Variants in CCDC93 observed in about 807,000 individuals in gnomAD.
The protein encoded by CCDC93 is CCC complex scaffolding subunit CCDC93.
Under a neutral mutation model 108.2 loss-of-function variants are expected in CCDC93, and 61 were observed. The observed-to-expected ratio is 0.56, with a 90% CI of 0.46 to 0.70. The LOEUF (loss-of-function observed/expected upper bound fraction) is 0.70, where lower values mean the gene tolerates loss of function less well. CCDC93 is among the 30% of genes least tolerant of loss of function. CCDC93 has a pLI of 0.00. For synonymous variants in CCDC93, 276 were observed against 260.4 expected (o/e 1.06, Z -0.58); for missense variants, 685 against 764.2 (o/e 0.90, Z 1.22).
At chr2:117,956,676 G>C (rs1679226895) in intron 12 of CCDC93, among the ~76,000 whole-genome samples, 1 of 152,092 alleles carries the variant, frequency 6.6e-6, no homozygotes, top group Non-Finnish European at 1.5e-5. Flanking sequence ...ACAAATAACT[G>C]AACAGAAACC....
At chr2:117,930,866 G>A (rs1341925921) in intron 23 of CCDC93, 171 bp downstream of exon 23, 10 of 513,778 alleles carry the variant, frequency 1.9e-5, no homozygotes, top group South Asian at 3.2e-5. Flanking sequence ...ACAGAAAAAC[G>A]CAATCTTCAG....
At chr2:117,980,504 C>T (rs1680083672) in intron 7 of CCDC93, among the ~76,000 whole-genome samples, 1 of 152,162 alleles carries the variant, frequency 6.6e-6, no homozygotes, top group Non-Finnish European at 1.5e-5. Context: ...CGAATCTACT[C>T]CTCCTTAAAG....
Position 117,946,844 on chromosome 2 carries a change from C to CA in CCDC93, c.1262dup (p.Lys422GlufsTer3). On this transcript the variant is annotated frameshift_variant, in exon 16 of 24. Coordinates refer to ENST00000376300, the MANE Select transcript of CCDC93 (RefSeq NM_019044.5). LOFTEE classifies it high-confidence loss of function. ...CTCCACGTGGTGCTCTCTCAGCTTT[C>CA]AGGTTTTCAATTTCTTGCTGTAGTC... 6.2e-7 allele frequency: 1 copy of CA among 1,613,834 alleles called. No homozygotes were observed. The highest frequency in any genetic ancestry group is 8.5e-7 in the Non-Finnish European group (1 of 1,179,700).
At chr2:118,013,811 T>C (rs1677085459) in intron 1 of CCDC93, 143 bp downstream of exon 1, 2 of 679,170 alleles carry the variant, frequency 2.9e-6, no homozygotes, top group Non-Finnish European at 2.3e-6. Context: ...AAGAAGAGGG[T>C]CGGCGCTTCC....
intron 13 of CCDC93, chr2:117,951,456 G>C: frequency 1.0e-6 from 1 of 986,014 alleles, no homozygotes; most frequent in Non-Finnish European, 1.2e-6. Context: ...TTTACATCAA[G>C]GTGGCAAATT....
intron 3 of CCDC93, among the ~76,000 whole-genome samples, chr2:118,006,123 G>A (rs2104830900): frequency 6.6e-6 from 1 of 152,180 alleles, no homozygotes. Context: ...TTTCTCTTGG[G>A]AGAAGGTAAT....
Position 117,944,071 on chromosome 2 carries a change from G to A in CCDC93, c.1366C>T (p.Arg456Trp), listed in dbSNP as rs142085524. ...AGTTTCTCTTTCTCCATATTATACC[G>A]TCTGTCTAGGTCTTCCTAAAAATTG... is the stretch of plus-strand genomic sequence containing the variant. ...AMTHDEDLDRRYNMEKEKLYK... is the reference protein window; with the variant it reads ...AMTHDEDLDRWYNMEKEKLYK... Residue 456 changes from arginine (R) to tryptophan (W), a missense_variant, in exon 18 of 24, where the codon CGG becomes TGG. Arg to Trp is a moderately radical substitution (Grantham distance 101). Coordinates refer to ENST00000376300, the MANE Select transcript of CCDC93 (RefSeq NM_019044.5). 1.2e-5 allele frequency: 19 copies of A among 1,597,720 alleles called. No individual in the cohort carries two copies. In the East Asian group the frequency reaches 2.5e-4, roughly 21 times the overall value.
At chr2:117,928,478 A>T (rs1678205123) in intron 23 of CCDC93, among the ~76,000 whole-genome samples, 2 of 152,252 alleles carry the variant, frequency 1.3e-5, no homozygotes, top group Non-Finnish European at 2.9e-5. Flanking sequence ...TCAAAAGAAG[A>T]CATTTATGCA....
At chr2:117,961,971 C>A (rs1206788758) in intron 11 of CCDC93, among the ~76,000 whole-genome samples, 1 of 152,176 alleles carries the variant, frequency 6.6e-6, no homozygotes, top group Non-Finnish European at 1.5e-5. Context: ...CTTTCAAAAC[C>A]ACATTGTGGA....
intron 22 of CCDC93, among the ~76,000 whole-genome samples, chr2:117,933,537 G>C (rs1296855211): frequency 6.6e-6 from 1 of 152,020 alleles, no homozygotes; most frequent in Non-Finnish European, 1.5e-5. Context: ...TCTTTACTCA[G>C]AAACCCTCAG....
chr2:117,931,452 C>A (rs1044875950), intron 22 of CCDC93: 9 of 293,654 alleles, frequency 3.1e-5, no homozygotes, highest in African/African-American at 1.6e-4. Flanking sequence ...CATCCCCCAC[C>A]CGGCAGTGTC....
intron 20 of CCDC93, among the ~76,000 whole-genome samples, chr2:117,937,709 A>C (rs1347717524): frequency 6.6e-6 from 1 of 152,202 alleles, no homozygotes; most frequent in Non-Finnish European, 1.5e-5. Context: ...AGGGTTGGCA[A>C]ATCTTTCCTT....
intron 1 of CCDC93, chr2:118,012,707 T>C (rs1305917310): frequency 6.6e-6 from 1 of 152,196 alleles, no homozygotes; most frequent in East Asian, 1.9e-4. Flanking sequence ...GCATGTAAGA[T>C]TTTACCTAAT....
At chr2:117,961,314 G>A (rs1679384238) in intron 11 of CCDC93, among the ~76,000 whole-genome samples, 1 of 152,170 alleles carries the variant, frequency 6.6e-6, no homozygotes, top group South Asian at 2.1e-4. Flanking sequence ...AAGGAAACAT[G>A]AGCTTTCAAA....
chr2:117,950,918 G>A (rs537158548), intron 13 of CCDC93: 15 of 985,394 alleles, frequency 1.5e-5, no homozygotes, highest in African/African-American at 1.0e-4. Flanking sequence ...AAAAAGGAAC[G>A]ACGACTGCAG....
Position 117,917,904 on chromosome 2 carries a change from T to C in CCDC93, c.*2439A>G, listed in dbSNP as rs1677736750. 6.6e-6 allele frequency: 1 copy of C among 152,234 alleles called. No homozygotes were observed. Among genetic ancestry groups the C allele is most frequent in the African/African-American group, 2.4e-5 (1 of 41,454 alleles). The allele number at this position is 152,234 out of a possible 1,614,324, so 9.4% of individuals were successfully genotyped here. On this transcript the variant is annotated 3_prime_UTR_variant, in exon 24 of 24. Transcript: ENST00000376300. ...GCCCGCTAGCAACTCCCTGTGCTGA[T>C]TGAGCAGGGAGCCTCTCTCTCCTGG...
At chr2:117,997,744 T>C (rs1680701870) in intron 4 of CCDC93, 1 of 152,260 alleles carries the variant, frequency 6.6e-6, no homozygotes, top group Non-Finnish European at 1.5e-5. Flanking sequence ...AGAACGATTG[T>C]AGTCCCTCAC....
chr2:118,001,837 T>C (rs1251177612), intron 3 of CCDC93, among the ~76,000 whole-genome samples: 1 of 152,206 alleles, frequency 6.6e-6, no homozygotes, highest in Non-Finnish European at 1.5e-5. Flanking sequence ...CTCGAATCAG[T>C]TGGCATTTCA....
At chr2:117,968,155 T>C (rs1323922893) in intron 11 of CCDC93, among the ~76,000 whole-genome samples, 2 of 152,012 alleles carry the variant, frequency 1.3e-5, no homozygotes, top group African/African-American at 4.8e-5. Flanking sequence ...GTCAAAACGG[T>C]GTATGGTTAG....
Sources: gnomAD v4.1 joint callset for allele counts (sites outside exome capture counted in the v4.1 genomes callset) on GRCh38, gnomAD v4.1.1 for gene constraint, MANE v1.5 for transcripts, NCBI Gene and HGNC (gene_info 2026-07-23, HGNC 2026-07-21) for gene names.